Variants in PTPRK observed in about 807,000 individuals in gnomAD.
The protein encoded by PTPRK is protein tyrosine phosphatase receptor type K, also known as receptor-type tyrosine-protein phosphatase kappa.
In PTPRK, 75 loss-of-function variants were observed where a neutral mutation model predicts 178.0. The observed-to-expected ratio is 0.42, with a 90% CI of 0.35 to 0.51. PTPRK has a LOEUF of 0.51. Ranked by LOEUF, PTPRK falls within the 20% of genes least tolerant of loss-of-function variation. PTPRK has a pLI of 0.02. For synonymous variants in PTPRK, 637 were observed against 620.6 expected (o/e 1.03, Z -0.39); for missense variants, 1,441 against 1,797.8 (o/e 0.80, Z 3.59).
Position 128,323,868 on chromosome 6 carries a change from C to G in PTPRK, c.224-1558G>C, listed in dbSNP as rs566870177. 1.4e-4 allele frequency among the ~76,000 whole-genome samples: 22 copies of G among 151,944 alleles called. 1 individual carries two copies. Among genetic ancestry groups the G allele is most frequent in the African/African-American group, 5.3e-4 (22 of 41,444 alleles). On this transcript the variant is annotated intron_variant, in intron 2 of 29. Coordinates refer to ENST00000368226, the MANE Select transcript of PTPRK (RefSeq NM_002844.4). ...TCTCTTTCTTTCTTTCTGAGTCTCA[C>G]AGACGGCACATTAATAGAATAAACT... is the stretch of plus-strand genomic sequence containing the variant.
intron 3 of PTPRK, among the ~76,000 whole-genome samples, chr6:128,317,793 A>T (rs1828220228): frequency 6.6e-6 from 1 of 152,152 alleles, no homozygotes; most frequent in Non-Finnish European, 1.5e-5. Context: ...TCAGGGAGGA[A>T]CATCTTTCCC....
chr6:128,262,038 G>C (rs1208941065), intron 3 of PTPRK, among the ~76,000 whole-genome samples: 2 of 152,270 alleles, frequency 1.3e-5, no homozygotes, highest in African/African-American at 4.8e-5. Context: ...CTCCACATGT[G>C]CAAATGACAA....
At chr6:128,396,330 A>G (rs903094281) in intron 2 of PTPRK, among the ~76,000 whole-genome samples, 9 of 148,528 alleles carry the variant, frequency 6.1e-5, no homozygotes, top group Non-Finnish European at 1.0e-4. Flanking sequence ...ATAATAGCAT[A>G]ATGATAATAT....
chr6:128,418,112 T>C (rs576554447), intron 1 of PTPRK, among the ~76,000 whole-genome samples: 120 of 152,374 alleles, frequency 7.9e-4, no homozygotes, highest in African/African-American at 2.9e-3. Flanking sequence ...CTAGGCTTTA[T>C]GAATTCCATT....
At chr6:128,430,237 CAGAT>C (rs1383856108) in intron 1 of PTPRK, among the ~76,000 whole-genome samples, 3 of 152,178 alleles carry the variant, frequency 2.0e-5, no homozygotes, top group Non-Finnish European at 2.9e-5. Context: ...TGACAGGAGA[CAGAT>C]AGGGAGAAAG....
At chr6:128,067,421 CT>C (rs61418642) in intron 12 of PTPRK, 97 bp downstream of exon 12, 17,809 of 996,352 alleles carry the variant, frequency 0.018, 18 homozygotes, top group African/African-American at 0.03. Context: ...TTTTCTTTTT[CT>C]TTTTTTTTTT....
intron 6 of PTPRK, among the ~76,000 whole-genome samples, chr6:128,190,543 G>A (rs952451136): frequency 4.1e-5 from 5 of 123,020 alleles, no homozygotes; most frequent in African/African-American, 1.7e-4. Flanking sequence ...CTGTTATCCA[G>A]GCTGGAGTGC....
intron 7 of PTPRK, among the ~76,000 whole-genome samples, chr6:128,157,975 C>T (rs1237383947): frequency 6.6e-6 from 1 of 151,828 alleles, no homozygotes; most frequent in Non-Finnish European, 1.5e-5. Flanking sequence ...CTTTTGTTGC[C>T]ATTGCTTTTG....
intron 27 of PTPRK, among the ~76,000 whole-genome samples, chr6:127,974,089 T>C (rs1487563321): frequency 6.6e-6 from 1 of 152,190 alleles, no homozygotes; most frequent in African/African-American, 2.4e-5. Flanking sequence ...TAAATAACTT[T>C]CAGATTCATT....
At chr6:128,153,577 T>C (rs1797574331) in intron 7 of PTPRK, among the ~76,000 whole-genome samples, 1 of 151,946 alleles carries the variant, frequency 6.6e-6, no homozygotes, top group African/African-American at 2.4e-5. Flanking sequence ...ATTAGCATTA[T>C]ATTTTTCACG....
At chr6:128,120,236 A>G (rs958218105) in intron 7 of PTPRK, among the ~76,000 whole-genome samples, 4 of 151,932 alleles carry the variant, frequency 2.6e-5, no homozygotes, top group African/African-American at 9.7e-5. Context: ...ATTAGAATTG[A>G]TATTATATTA....
intron 21 of PTPRK, among the ~76,000 whole-genome samples, chr6:127,990,424 ATTGTAAACCATTTC>A (rs1205549744): frequency 6.6e-6 from 1 of 152,104 alleles, no homozygotes; most frequent in Non-Finnish European, 1.5e-5. Flanking sequence ...TCCTTTCAGA[ATTGTAAACCATTTC>A]TTACCCTGCC....
intron 6 of PTPRK, among the ~76,000 whole-genome samples, chr6:128,202,272 G>A (rs934004356): frequency 2.6e-5 from 4 of 152,132 alleles, no homozygotes; most frequent in Non-Finnish European, 4.4e-5. Flanking sequence ...CAGGGGAAGC[G>A]GTGAGGAATT....
chr6:128,402,241 T>TTTTA (rs11472842), intron 1 of PTPRK, among the ~76,000 whole-genome samples: 147,141 of 152,164 alleles, frequency 0.97, 71,235 homozygotes, highest in East Asian at 1. Context: ...AAATTAATGG[T>TTTTA]TTTGTTTGTT....
At chr6:128,311,824 T>C (rs984766454) in intron 3 of PTPRK, among the ~76,000 whole-genome samples, 1 of 152,172 alleles carries the variant, frequency 6.6e-6, no homozygotes, top group Non-Finnish European at 1.5e-5. Context: ...GGAGATCCTT[T>C]ATTAGTACTA....
intron 13 of PTPRK, among the ~76,000 whole-genome samples, chr6:128,056,943 T>C (rs913828933): frequency 3.9e-5 from 6 of 152,204 alleles, no homozygotes; most frequent in Non-Finnish European, 8.8e-5. Flanking sequence ...TGTCATTTCT[T>C]AGAAGGTTCT....
chr6:128,389,981 C>T (rs1381521222), intron 2 of PTPRK, among the ~76,000 whole-genome samples: 2 of 152,064 alleles, frequency 1.3e-5, no homozygotes, highest in African/African-American at 4.8e-5. Context: ...CAGCCTTTCA[C>T]TCTCTCACCT....
chr6:128,270,950 TA>T (rs927088200), intron 3 of PTPRK, among the ~76,000 whole-genome samples: 21 of 149,692 alleles, frequency 1.4e-4, no homozygotes, highest in African/African-American at 2.7e-4. Context: ...GCTAAGGTCT[TA>T]AAAAAAAAAT....
intron 2 of PTPRK, among the ~76,000 whole-genome samples, 173 bp downstream of exon 2, chr6:128,397,393 T>C (rs1445281517): frequency 6.6e-6 from 1 of 152,086 alleles, no homozygotes; most frequent in African/African-American, 2.4e-5. Flanking sequence ...GAATACAGAA[T>C]TACAGAAAGT....
Sources: gnomAD v4.1 joint callset for allele counts (sites outside exome capture counted in the v4.1 genomes callset) on GRCh38, gnomAD v4.1.1 for gene constraint, MANE v1.5 for transcripts, NCBI Gene and HGNC (gene_info 2026-07-23, HGNC 2026-07-21) for gene names.